The following GRAMD1B variants were observed in gnomAD, a reference collection of about 807,000 sequenced individuals.
The protein encoded by GRAMD1B is GRAM domain containing 1B.
GRAMD1B carries 37 observed loss-of-function variants against 99.7 expected under a neutral mutation model. The ratio of observed to expected loss-of-function variants is 0.37; its 90% CI spans 0.29 to 0.49. The LOEUF (loss-of-function observed/expected upper bound fraction) is 0.49. GRAMD1B is among the 20% of genes least tolerant of loss of function. GRAMD1B has a pLI of 0.98. For missense variants in GRAMD1B, 888 were observed against 1,009.2 expected (o/e 0.88, Z 1.63); for synonymous variants, 427 against 387.6 (o/e 1.10, Z -1.19).
chr11:123,363,852 T>G (rs1946230141), intron 1 of GRAMD1B, among the ~76,000 whole-genome samples: 1 of 152,228 alleles, frequency 6.6e-6, no homozygotes, highest in Non-Finnish European at 1.5e-5. Context: ...GATATTTTAT[T>G]GGCTTAGACA....
intron 1 of GRAMD1B, among the ~76,000 whole-genome samples, chr11:123,359,605 G>A (rs554092500): frequency 6.6e-6 from 1 of 152,158 alleles, no homozygotes; most frequent in East Asian, 1.9e-4. Flanking sequence ...GCTGCTTGCT[G>A]CCCCCAAGCT....
intron 1 of GRAMD1B, among the ~76,000 whole-genome samples, chr11:123,401,006 G>GCT (rs139874399): frequency 6.6e-6 from 1 of 151,904 alleles, no homozygotes; most frequent in African/African-American, 2.4e-5. Flanking sequence ...AACAGAGCAT[G>GCT]CTCTCTCTCT....
intron 4 of GRAMD1B, among the ~76,000 whole-genome samples, chr11:123,590,644 T>C (rs1257478005): frequency 1.3e-5 from 2 of 152,116 alleles, no homozygotes; most frequent in African/African-American, 2.4e-5. Context: ...AGAAGCTGTT[T>C]GCTGGTCAGG....
intron 1 of GRAMD1B, among the ~76,000 whole-genome samples, chr11:123,380,069 T>C (rs535325783): frequency 4.6e-5 from 7 of 152,378 alleles, no homozygotes; most frequent in African/African-American, 1.4e-4. Context: ...TTATATATTC[T>C]AGACACAAGT....
chr11:123,472,041 G>A (rs1951040167), intron 1 of GRAMD1B, among the ~76,000 whole-genome samples: 1 of 152,106 alleles, frequency 6.6e-6, no homozygotes, highest in South Asian at 2.1e-4. Context: ...GCCAATCCAG[G>A]TGGATCATTT....
intron 1 of GRAMD1B, among the ~76,000 whole-genome samples, chr11:123,474,953 C>T (rs1951193436): frequency 6.6e-6 from 1 of 152,148 alleles, no homozygotes; most frequent in Admixed American, 6.5e-5. Flanking sequence ...TTGGGACCAC[C>T]TGAATCTCTC....
intron 1 of GRAMD1B, among the ~76,000 whole-genome samples, chr11:123,363,704 G>A (rs1370964208): frequency 6.6e-6 from 1 of 152,146 alleles, no homozygotes; most frequent in Non-Finnish European, 1.5e-5. Flanking sequence ...CTGAGTGGAA[G>A]CCTTGCTTAG....
At chr11:123,518,238 A>G (rs1164192704) in intron 2 of GRAMD1B, among the ~76,000 whole-genome samples, 1 of 152,202 alleles carries the variant, frequency 6.6e-6, no homozygotes, top group African/African-American at 2.4e-5. Flanking sequence ...ATGAGCAAGC[A>G]TGCAGAGAAA....
intron 1 of GRAMD1B, among the ~76,000 whole-genome samples, chr11:123,363,886 G>A (rs1008349294): frequency 1.6e-4 from 25 of 152,298 alleles, no homozygotes; most frequent in African/African-American, 5.3e-4. Flanking sequence ...TTAAGTCCCA[G>A]AAGATTTAGT....
chr11:123,481,573 A>G (rs956258355), intron 2 of GRAMD1B, among the ~76,000 whole-genome samples: 2 of 152,208 alleles, frequency 1.3e-5, no homozygotes, highest in African/African-American at 4.8e-5. Context: ...AGGAAGCTGC[A>G]TAGCCCAGGA....
intron 2 of GRAMD1B, chr11:123,526,142 T>G: frequency 1.9e-6 from 3 of 1,612,788 alleles, no homozygotes; most frequent in Non-Finnish European, 2.5e-6. Context: ...TTATCGTGAC[T>G]GTACTAATGA....
intron 7 of GRAMD1B, among the ~76,000 whole-genome samples, chr11:123,597,451 T>G (rs1367881014): frequency 2.0e-5 from 3 of 152,046 alleles, no homozygotes; most frequent in Non-Finnish European, 4.4e-5. Context: ...TAGTCCTTAG[T>G]AGCAGCCCTG....
At chr11:123,570,912 G>A (rs1207349018) in intron 2 of GRAMD1B, among the ~76,000 whole-genome samples, 1 of 152,222 alleles carries the variant, frequency 6.6e-6, no homozygotes, top group Admixed American at 6.5e-5. Flanking sequence ...CTAGGTCACT[G>A]TAGGGCTGGG....
intron 3 of GRAMD1B, among the ~76,000 whole-genome samples, chr11:123,582,352 G>A (rs777307620): frequency 2.1e-4 from 32 of 152,308 alleles, no homozygotes; most frequent in Admixed American, 3.3e-4. Flanking sequence ...TTCAGGTCCC[G>A]GACTCCCATG....
At chr11:123,545,910 G>A (rs1251114938) in intron 2 of GRAMD1B, among the ~76,000 whole-genome samples, 2 of 152,204 alleles carry the variant, frequency 1.3e-5, no homozygotes. Context: ...AGTTCAGTCT[G>A]CGTGACTTGT....
rs530760112 is a variant in GRAMD1B, at chr11:123,596,190, G to T, written c.969+153G>T. Among the ~76,000 whole-genome samples, 3 of 152,312 alleles carry T rather than the reference G, an allele frequency of 2.0e-5. No homozygotes were observed. In the South Asian group the frequency reaches 6.2e-4, roughly 32 times the overall value. ...GCAGATTCCAGGAAGCACCTCCTGGGTGGACAGGCTGGGGGAGGCTGAGCA... is the reference window on the plus strand; with the variant it reads ...GCAGATTCCAGGAAGCACCTCCTGGTTGGACAGGCTGGGGGAGGCTGAGCA... On this transcript the variant is annotated intron_variant, in intron 7 of 19. Coordinates refer to ENST00000635736, the MANE Select transcript of GRAMD1B (RefSeq NM_001387025.1).
chr11:123,544,697 G>C (rs994226024), intron 2 of GRAMD1B, among the ~76,000 whole-genome samples: 1 of 152,212 alleles, frequency 6.6e-6, no homozygotes, highest in African/African-American at 2.4e-5. Context: ...TTGTCATCCA[G>C]GTGCCCTGCC....
intron 2 of GRAMD1B, chr11:123,526,231 C>T (rs1942727581): frequency 1.4e-6 from 2 of 1,441,180 alleles, no homozygotes; most frequent in Admixed American, 3.5e-5. Flanking sequence ...CTGTGCTCGC[C>T]CCAGCACCCT....
intron 2 of GRAMD1B, among the ~76,000 whole-genome samples, chr11:123,567,341 G>A (rs1405376455): frequency 1.3e-5 from 2 of 152,220 alleles, no homozygotes; most frequent in Admixed American, 6.5e-5. Flanking sequence ...AGCAGCTTCG[G>A]AGGAGGAAGC....
Sources: allele counts gnomAD v4.1 joint callset (sites outside exome capture counted in the v4.1 genomes callset), GRCh38; gene constraint gnomAD v4.1.1; transcripts MANE v1.5; gene names NCBI Gene and HGNC (gene_info 2026-07-23, HGNC 2026-07-21).